Variants in GPHN observed in about 807,000 individuals in gnomAD.
GPHN encodes the protein gephyrin.
In GPHN, 17 loss-of-function variants were observed where a neutral mutation model predicts 95.5. That is an observed-to-expected ratio of 0.18 (90% CI 0.12 to 0.27). The LOEUF is 0.27. GPHN is among the 10% of genes least tolerant of loss of function. The probability of loss-of-function intolerance (pLI) is 1.00; values close to 1 mark genes in which losing one functional copy is unlikely to be tolerated. For missense variants in GPHN, 660 were observed against 978.1 expected (o/e 0.67, Z 4.34); for synonymous variants, 320 against 322.5 (o/e 0.99, Z 0.08).
the GPHN span, among the ~76,000 whole-genome samples, chr14:67,490,906 G>C: frequency 6.6e-6 from 1 of 152,176 alleles, no homozygotes; most frequent in Non-Finnish European, 1.5e-5. Context: ...GAGGGGGGCA[G>C]ATATGCCCCC....
At chr14:67,683,626 G>C in the GPHN span, among the ~76,000 whole-genome samples, 1 of 152,156 alleles carries the variant, frequency 6.6e-6, no homozygotes, top group African/African-American at 2.4e-5. Flanking sequence ...TAAAAATGAA[G>C]GGATAGGAGG....
chr14:67,279,218 C>T, the GPHN span: 11 of 1,611,050 alleles, frequency 6.8e-6, no homozygotes, highest in African/African-American at 6.7e-5. Flanking sequence ...AATCAGACAG[C>T]GAAGTAAAAA....
chr14:66,725,112 T>C (rs1470529323), intron 2 of GPHN, among the ~76,000 whole-genome samples: 1 of 152,174 alleles, frequency 6.6e-6, no homozygotes, highest in East Asian at 1.9e-4. Context: ...CCTCCTTCTC[T>C]TCCTCATGAC....
At chr14:67,315,134 A>G in the GPHN span, among the ~76,000 whole-genome samples, 5 of 152,080 alleles carry the variant, frequency 3.3e-5, no homozygotes, top group African/African-American at 1.2e-4. Context: ...TTCTGCCTCT[A>G]TTTCAGAATA....
At chr14:67,727,166 C>T in the GPHN span, 32 of 1,613,444 alleles carry the variant, frequency 2.0e-5, no homozygotes, top group East Asian at 1.3e-4. Context: ...GCTTTTTACT[C>T]GTGAGCTGGC....
chr14:67,734,923 G>A, the GPHN span, among the ~76,000 whole-genome samples: 2 of 152,158 alleles, frequency 1.3e-5, no homozygotes, highest in Non-Finnish European at 2.9e-5. Flanking sequence ...GTGGTACAGG[G>A]CTGGGAGTGG....
chr14:66,687,656 AT>A (rs1955799906), intron 2 of GPHN, among the ~76,000 whole-genome samples: 1 of 151,502 alleles, frequency 6.6e-6, no homozygotes, highest in Non-Finnish European at 1.5e-5. Context: ...TGCCCGGCTA[AT>A]TTTGTGTTTT....
the GPHN span, among the ~76,000 whole-genome samples, chr14:67,445,886 C>T: frequency 4.5e-4 from 69 of 152,120 alleles, no homozygotes; most frequent in African/African-American, 1.5e-3. Flanking sequence ...CCTGCTCAGC[C>T]TAAGGGAGGC....
At chr14:67,251,608 A>G in the GPHN span, among the ~76,000 whole-genome samples, 9 of 152,204 alleles carry the variant, frequency 5.9e-5, no homozygotes, top group Admixed American at 6.5e-5. Context: ...CCTTAAGGGT[A>G]GGATAGTGGG....
At chr14:67,560,103 C>T in the GPHN span, among the ~76,000 whole-genome samples, 1 of 152,066 alleles carries the variant, frequency 6.6e-6, no homozygotes, top group Admixed American at 6.5e-5. Flanking sequence ...CTCGGCTTAC[C>T]GCAACCTCCG....
the GPHN span, chr14:67,381,471 TAG>T: frequency 1.5e-6 from 1 of 674,654 alleles, no homozygotes; most frequent in African/African-American, 1.8e-5. Flanking sequence ...AACTGCAGTA[TAG>T]AGAGGTTGGA....
At chr14:66,605,095 C>G (rs1015815443) in intron 1 of GPHN, among the ~76,000 whole-genome samples, 8 of 152,068 alleles carry the variant, frequency 5.3e-5, no homozygotes, top group African/African-American at 1.9e-4. Flanking sequence ...TTTATCGACT[C>G]TACCATCGAT....
chr14:66,620,435 A>G (rs1193400566), intron 1 of GPHN, among the ~76,000 whole-genome samples: 1 of 152,214 alleles, frequency 6.6e-6, no homozygotes, highest in East Asian at 1.9e-4. Context: ...GGAGCAAGTC[A>G]CATGGATCAT....
chr14:67,148,882 TC>T (rs1418650495), intron 18 of GPHN, among the ~76,000 whole-genome samples: 1 of 151,900 alleles, frequency 6.6e-6, no homozygotes. Flanking sequence ...CCTTTTTTAT[TC>T]CACTTCTCTC....
intron 1 of GPHN, among the ~76,000 whole-genome samples, chr14:66,586,814 T>C (rs2061439245): frequency 1.3e-5 from 2 of 151,948 alleles, no homozygotes; most frequent in Non-Finnish European, 1.5e-5. Flanking sequence ...AAGATCCCAC[T>C]AAAACAGTCT....
intron 10 of GPHN, among the ~76,000 whole-genome samples, chr14:67,050,261 G>A (rs751170990): frequency 6.6e-6 from 1 of 152,122 alleles, no homozygotes; most frequent in Non-Finnish European, 1.5e-5. Flanking sequence ...TTCCGGTGAG[G>A]TAATCACTTT....
intron 8 of GPHN, among the ~76,000 whole-genome samples, chr14:66,937,859 A>G (rs1418980981): frequency 1.3e-5 from 2 of 152,180 alleles, no homozygotes; most frequent in Non-Finnish European, 2.9e-5. Context: ...TGCCAACCCA[A>G]GATTAGTAAA....
chr14:66,928,145 A>T (rs556575699), intron 8 of GPHN, among the ~76,000 whole-genome samples: 1 of 152,266 alleles, frequency 6.6e-6, no homozygotes, highest in South Asian at 2.1e-4. Context: ...TGTAGACTTC[A>T]GCAGTGAAGG....
At chr14:66,870,990 C>G (rs2063411277) in intron 4 of GPHN, among the ~76,000 whole-genome samples, 1 of 152,202 alleles carries the variant, frequency 6.6e-6, no homozygotes, top group African/African-American at 2.4e-5. Context: ...AAGTAGATCA[C>G]TCTCCAGTGG....
Sources: gnomAD v4.1 joint callset for allele counts (sites outside exome capture counted in the v4.1 genomes callset) on GRCh38, gnomAD v4.1.1 for gene constraint, MANE v1.5 for transcripts, NCBI Gene and HGNC (gene_info 2026-07-23, HGNC 2026-07-21) for gene names.